The following TRAPPC9 variants were observed in gnomAD, a reference collection of about 807,000 sequenced individuals.
The protein encoded by TRAPPC9 is IKK2 binding protein.
A neutral mutation model predicts 124.0 loss-of-function variants in TRAPPC9; 83 were observed. That is an observed-to-expected ratio of 0.67 (90% confidence interval 0.56 to 0.80). The LOEUF (loss-of-function observed/expected upper bound fraction) is 0.80. TRAPPC9 is among the 30% of genes least tolerant of loss of function. The pLI is 0.00. For missense variants in TRAPPC9, 1,302 were observed against 1,508.3 expected, an observed-to-expected ratio of 0.86 and a Z score of 2.27; for synonymous variants, 638 against 617.5, an observed-to-expected ratio of 1.03 and a Z score of -0.49.
At chr8:140,365,476 G>GA (rs1449470348) in intron 8 of TRAPPC9, among the ~76,000 whole-genome samples, 4 of 152,240 alleles carry the variant, frequency 2.6e-5, no homozygotes, top group African/African-American at 4.8e-5. Context: ...GCGTGGATTA[G>GA]AAAGAGATGC....
chr8:140,390,503 C>T (rs2068895710), intron 7 of TRAPPC9, among the ~76,000 whole-genome samples: 1 of 152,110 alleles, frequency 6.6e-6, no homozygotes, highest in Non-Finnish European at 1.5e-5. Flanking sequence ...CTGGCTTTTC[C>T]TTTATTTTAG....
chr8:140,046,733 C>T (rs933180243), intron 17 of TRAPPC9, among the ~76,000 whole-genome samples: 6 of 152,172 alleles, frequency 3.9e-5, no homozygotes, highest in African/African-American at 1.4e-4. Context: ...CCCCATACCC[C>T]TTTTCTAAAT....
At chr8:140,456,940 G>T (rs369374979) in intron 1 of TRAPPC9, 3 of 519,738 alleles carry the variant, frequency 5.8e-6, no homozygotes, top group Non-Finnish European at 7.4e-6. Context: ...GAGGGGATTG[G>T]GGTGGGCTGA....
intron 19 of TRAPPC9, among the ~76,000 whole-genome samples, chr8:139,919,200 G>A (rs911129101): frequency 2.6e-5 from 4 of 152,182 alleles, no homozygotes; most frequent in African/African-American, 7.2e-5. Flanking sequence ...GGACTGGAGC[G>A]CAACCCTCTT....
At chr8:139,794,673 G>A (rs1449524292) in intron 21 of TRAPPC9, among the ~76,000 whole-genome samples, 3 of 152,188 alleles carry the variant, frequency 2.0e-5, no homozygotes, top group African/African-American at 7.2e-5. Flanking sequence ...CCCTCTCCAG[G>A]AGCACTGCTG....
At chr8:139,976,059 T>A (rs1188404008) in intron 19 of TRAPPC9, among the ~76,000 whole-genome samples, 6 of 149,494 alleles carry the variant, frequency 4.0e-5, no homozygotes, top group African/African-American at 1.5e-4. Flanking sequence ...GCCCGGCTAA[T>A]TTTTTGTACT....
intron 21 of TRAPPC9, among the ~76,000 whole-genome samples, chr8:139,822,277 C>T (rs533225257): frequency 1.3e-5 from 2 of 152,290 alleles, no homozygotes; most frequent in East Asian, 3.9e-4. Flanking sequence ...CGGCATGACC[C>T]ACTCCAAAGT....
intron 21 of TRAPPC9, among the ~76,000 whole-genome samples, chr8:139,815,922 C>T (rs373381216): frequency 2.0e-5 from 3 of 152,304 alleles, no homozygotes; most frequent in African/African-American, 7.2e-5. Context: ...TGAGACCTGA[C>T]GTAGAAGCCG....
chr8:140,151,610 C>T (rs1230572717), intron 17 of TRAPPC9, among the ~76,000 whole-genome samples: 4 of 152,170 alleles, frequency 2.6e-5, no homozygotes, highest in Admixed American at 2.6e-4. Flanking sequence ...ACCCTAGTAA[C>T]CTCATTTTAC....
At chr8:139,889,973 T>G (rs1830233786) in intron 20 of TRAPPC9, among the ~76,000 whole-genome samples, 1 of 152,034 alleles carries the variant, frequency 6.6e-6, no homozygotes, top group Admixed American at 6.5e-5. Context: ...TCTAGGGGAG[T>G]AGGCACAGGA....
intron 17 of TRAPPC9, among the ~76,000 whole-genome samples, chr8:140,174,990 T>A (rs910716812): frequency 2.1e-4 from 31 of 146,096 alleles, no homozygotes; most frequent in African/African-American, 7.2e-4. Context: ...TGTTTTTCAA[T>A]GCACCTGGGG....
chr8:140,178,920 A>G (rs1397281051), intron 17 of TRAPPC9, among the ~76,000 whole-genome samples: 1 of 152,074 alleles, frequency 6.6e-6, no homozygotes, highest in East Asian at 1.9e-4. Flanking sequence ...CATTACAATT[A>G]TTATCCTTCT....
chr8:139,832,257 T>C (rs966983167), intron 21 of TRAPPC9, among the ~76,000 whole-genome samples: 12 of 152,230 alleles, frequency 7.9e-5, no homozygotes. Context: ...TTCCTTGGCC[T>C]TCCAGTAAAA....
At chr8:140,365,393 C>A (rs762549404) in intron 8 of TRAPPC9, among the ~76,000 whole-genome samples, 1 of 152,218 alleles carries the variant, frequency 6.6e-6, no homozygotes, top group Non-Finnish European at 1.5e-5. Context: ...AACGCGTGGT[C>A]TCCACTCACC....
chr8:140,183,865 GA>G (rs1390985029), intron 17 of TRAPPC9, among the ~76,000 whole-genome samples: 18 of 19,578 alleles, frequency 9.2e-4, no homozygotes, highest in African/African-American at 2.4e-3. Flanking sequence ...AAAAAAAAAA[GA>G]AGAAGAAGAA....
rs530510208 is a variant in TRAPPC9 at position 140,430,492 on chromosome 8, G to A, written c.860-3851C>T. ...TGGGTGCTGCACTCAGGAAGCACAC[G>A]GGATGTTCTGCTCCGCCATGCCTAT... On this transcript the variant is annotated intron_variant, in intron 4 of 22. Transcript: ENST00000438773. Among the ~76,000 whole-genome samples the A allele has an allele frequency of 3.9e-5, 6 of 152,312 alleles. No homozygotes were observed. The South Asian group carries it at 6.2e-4, about 16-fold the overall frequency.
intron 19 of TRAPPC9, among the ~76,000 whole-genome samples, chr8:139,913,673 G>A (rs1227481421): frequency 6.6e-6 from 1 of 152,162 alleles, no homozygotes; most frequent in Non-Finnish European, 1.5e-5. Flanking sequence ...GATGGCCGAC[G>A]CTGGCAAAAA....
intron 1 of TRAPPC9, chr8:140,456,851 T>C (rs756383323): frequency 4.1e-6 from 4 of 985,260 alleles, no homozygotes; most frequent in African/African-American, 3.5e-5. Flanking sequence ...TATAGAAACA[T>C]TTGAAGACAG....
chr8:140,306,211 G>A (rs1178884348), intron 10 of TRAPPC9, among the ~76,000 whole-genome samples: 1 of 151,990 alleles, frequency 6.6e-6, no homozygotes, highest in Non-Finnish European at 1.5e-5. Context: ...AAAGAATTAT[G>A]GAGACCAGGC....
Sources: gnomAD v4.1 joint callset for allele counts (sites outside exome capture counted in the v4.1 genomes callset) on GRCh38, gnomAD v4.1.1 for gene constraint, MANE v1.5 for transcripts, NCBI Gene and HGNC (gene_info 2026-07-23, HGNC 2026-07-21) for gene names.